The following ULK4 variants were observed in gnomAD, a reference collection of about 807,000 sequenced individuals.
ULK4 encodes inactive serine/threonine-protein kinase ULK4.
In ULK4, 133 loss-of-function variants were observed where a neutral mutation model predicts 160.6. The observed-to-expected ratio is 0.83, with a 90% CI of 0.72 to 0.96. ULK4 has a LOEUF of 0.96. Among genes scored for constraint, ULK4 ranks in the 40% least tolerant of loss-of-function variants. The probability of loss-of-function intolerance (pLI) is 0.00; values close to 1 mark genes in which losing one functional copy is unlikely to be tolerated. For missense variants in ULK4, 1,580 were observed against 1,499.5 expected, an observed-to-expected ratio of 1.05 and a Z score of -0.89; for synonymous variants, 534 against 539.8, an observed-to-expected ratio of 0.99 and a Z score of 0.15.
intron 19 of ULK4, among the ~76,000 whole-genome samples, chr3:41,810,928 C>A (rs1467770951): frequency 6.6e-6 from 1 of 152,102 alleles, no homozygotes; most frequent in East Asian, 1.9e-4. Flanking sequence ...CTCTGTTGCC[C>A]AGGCTGAAGG....
At chr3:41,623,727 T>G (rs938583546) in intron 30 of ULK4, among the ~76,000 whole-genome samples, 1 of 152,108 alleles carries the variant, frequency 6.6e-6, no homozygotes, top group Non-Finnish European at 1.5e-5. Context: ...AGGAAAGATA[T>G]AAATCAAAGG....
Position 41,835,863 on chromosome 3 carries a change from C to T in ULK4, c.1764+1G>A. On this transcript the variant is annotated splice_donor_variant, in intron 18 of 36. Coordinates refer to ENST00000301831, the MANE Select transcript of ULK4 (RefSeq NM_017886.4). LOFTEE classifies it high-confidence loss of function. ...CAACAGAGTTAATCAGACAGTCTCA[C>T]CTGGGTGGCTACAAGATAGATCAGC... The T allele has an allele frequency of 1.3e-6, 2 of 1,596,768 alleles. No individual in the cohort carries two copies. Among genetic ancestry groups the T allele is most frequent in the South Asian group, 2.2e-5 (2 of 89,584 alleles).
intron 35 of ULK4, among the ~76,000 whole-genome samples, chr3:41,346,139 G>A (rs1480781554): frequency 6.6e-6 from 1 of 152,158 alleles, no homozygotes; most frequent in Non-Finnish European, 1.5e-5. Flanking sequence ...TCATCTGAGG[G>A]CAGGAGGAAC....
chr3:41,445,063 T>C (rs929290143), intron 34 of ULK4, among the ~76,000 whole-genome samples: 2 of 152,120 alleles, frequency 1.3e-5, no homozygotes, highest in Non-Finnish European at 2.9e-5. Flanking sequence ...ATCACAAGCA[T>C]TCTTATACAC....
intron 31 of ULK4, among the ~76,000 whole-genome samples, chr3:41,579,485 ATTTTTTTTTTTTTTT>A (rs59650826): frequency 1.2e-5 from 1 of 85,180 alleles, no homozygotes; most frequent in African/African-American, 4.4e-5. Context: ...TGGAACTAAT[ATTTTTTTTTTTTTTT>A]TTTTTTTTTT....
intron 34 of ULK4, among the ~76,000 whole-genome samples, chr3:41,421,640 T>G (rs1404197429): frequency 6.6e-6 from 1 of 152,228 alleles, no homozygotes; most frequent in Non-Finnish European, 1.5e-5. Flanking sequence ...TATTAAGTAA[T>G]GTACTGCTAG....
At chr3:41,397,996 T>C (rs2082098798) in intron 35 of ULK4, 83 bp downstream of exon 35, 1 of 1,455,098 alleles carries the variant, frequency 6.9e-7, no homozygotes, top group Non-Finnish European at 9.3e-7. Flanking sequence ...AATTTGAAAT[T>C]AGGTCCAAGA....
intron 19 of ULK4, among the ~76,000 whole-genome samples, chr3:41,806,947 A>T (rs1185491092): frequency 6.6e-6 from 1 of 152,048 alleles, no homozygotes; most frequent in African/African-American, 2.4e-5. Context: ...CATGAGTTTG[A>T]GACCAGCCTG....
chr3:41,746,896 A>T (rs1284312180), intron 22 of ULK4, among the ~76,000 whole-genome samples: 1 of 151,996 alleles, frequency 6.6e-6, no homozygotes, highest in Non-Finnish European at 1.5e-5. Flanking sequence ...AACTGAATGC[A>T]GGAAAGATAG....
chr3:41,432,765 T>C (rs558132283), intron 34 of ULK4, among the ~76,000 whole-genome samples: 2 of 152,322 alleles, frequency 1.3e-5, no homozygotes, highest in Non-Finnish European at 2.9e-5. Context: ...ACTTATTTAA[T>C]ATGTGGCAAA....
At chr3:41,856,031 TAGAA>T (rs1184244871) in intron 17 of ULK4, among the ~76,000 whole-genome samples, 1 of 152,150 alleles carries the variant, frequency 6.6e-6, no homozygotes, top group East Asian at 1.9e-4. Context: ...TTTAAGAAAT[TAGAA>T]AGCATGTCTT....
In ULK4 at chr3:41,272,395, G is replaced by T. The variant is rs554974081; in HGVS notation, c.3679-22821C>A. On this transcript the variant is annotated intron_variant, in intron 35 of 36. Coordinates refer to ENST00000301831, the MANE Select transcript of ULK4 (RefSeq NM_017886.4). ...CTGGAAATGGAATTCTAGGTTGACAGTTTCTTCCCCCCTCACCCCGCTTTC... is the reference window on the plus strand; with the variant it reads ...CTGGAAATGGAATTCTAGGTTGACATTTTCTTCCCCCCTCACCCCGCTTTC... 4.8e-3 allele frequency among the ~76,000 whole-genome samples: 567 copies of T among 116,938 alleles called. 3 individuals carry two copies. Among genetic ancestry groups the T allele is most frequent in the African/African-American group, 0.018 (541 of 30,834 alleles). 76.7% of individuals were successfully genotyped at this position (116,938 alleles called of 152,430 possible).
chr3:41,722,719 T>C (rs971343507), intron 22 of ULK4, among the ~76,000 whole-genome samples: 2 of 152,236 alleles, frequency 1.3e-5, no homozygotes, highest in East Asian at 1.9e-4. Flanking sequence ...GCCATTAAAA[T>C]TGTTCTACTC....
intron 32 of ULK4, among the ~76,000 whole-genome samples, chr3:41,551,033 G>C (rs1029998738): frequency 1.4e-5 from 2 of 145,876 alleles, no homozygotes; most frequent in African/African-American, 4.9e-5. Context: ...AATGACCACT[G>C]GTTCAGTGAA....
At chr3:41,922,160 ATAGT>A (rs1699207993) in intron 5 of ULK4, among the ~76,000 whole-genome samples, 2 of 152,284 alleles carry the variant, frequency 1.3e-5, no homozygotes, top group Non-Finnish European at 2.9e-5. Context: ...CGCAAATAAA[ATAGT>A]TAAAAATAAA....
chr3:41,389,011 G>C (rs994804928), intron 35 of ULK4, among the ~76,000 whole-genome samples: 1 of 151,908 alleles, frequency 6.6e-6, no homozygotes, highest in Non-Finnish European at 1.5e-5. Flanking sequence ...CCATGAGCAT[G>C]GAATGTTCTT....
intron 20 of ULK4, among the ~76,000 whole-genome samples, chr3:41,798,402 T>C (rs1310685193): frequency 6.6e-6 from 1 of 152,210 alleles, no homozygotes; most frequent in Non-Finnish European, 1.5e-5. Context: ...TAATTAGTTG[T>C]GGGTTTTTGT....
At chr3:41,396,914 G>A (rs144001412) in intron 35 of ULK4, among the ~76,000 whole-genome samples, 56 of 152,226 alleles carry the variant, frequency 3.7e-4, no homozygotes, top group African/African-American at 1.3e-3. Context: ...GGCAGTGAAG[G>A]AGTCAATCTG....
At chr3:41,954,222 TG>T (rs1700405439) in intron 2 of ULK4, among the ~76,000 whole-genome samples, 1 of 145,930 alleles carries the variant, frequency 6.9e-6, no homozygotes, top group Non-Finnish European at 1.5e-5. Context: ...TAGCCAGGCG[TG>T]GTGGTATGTG....
Sources: allele counts gnomAD v4.1 joint callset (sites outside exome capture counted in the v4.1 genomes callset), GRCh38; gene constraint gnomAD v4.1.1; transcripts MANE v1.5; gene names NCBI Gene and HGNC (gene_info 2026-07-23, HGNC 2026-07-21).